The following CACNA1H variants were observed in gnomAD, a reference collection of about 807,000 sequenced individuals.
CACNA1H encodes calcium voltage-gated channel subunit alpha1 H, also known as voltage-dependent T-type calcium channel subunit alpha-1H.
A neutral mutation model predicts 192.5 loss-of-function variants in CACNA1H; 149 were observed. The ratio of observed to expected loss-of-function variants is 0.77; its 90% confidence interval spans 0.68 to 0.89. The LOEUF (loss-of-function observed/expected upper bound fraction) is 0.89, where lower values mean the gene tolerates loss of function less well. Ranked by LOEUF, CACNA1H falls within the 40% of genes least tolerant of loss-of-function variation. The pLI, the probability that CACNA1H is intolerant of heterozygous loss-of-function variation, is 0.00. For missense variants in CACNA1H, 4,257 were observed against 3,423.5 expected, an observed-to-expected ratio of 1.24 and a Z score of -6.08; for synonymous variants, 2,202 against 1,475.2, an observed-to-expected ratio of 1.49 and a Z score of -11.29.
At chr16:1,181,937 C>T (rs960609317) in intron 2 of CACNA1H, among the ~76,000 whole-genome samples, 1 of 152,094 alleles carries the variant, frequency 6.6e-6, no homozygotes, top group South Asian at 2.1e-4. Context: ...GTCCCCTTTG[C>T]ACACACGCCC....
chr16:1,200,599 C>T (rs202181749), intron 7 of CACNA1H, 28 bp downstream of exon 7: 11 of 1,609,168 alleles, frequency 6.8e-6, no homozygotes, highest in Non-Finnish European at 9.3e-6. Context: ...GGGACGGGGA[C>T]CCTGGGGCAC....
chr16:1,191,931 G>A (rs1315038351), intron 2 of CACNA1H, among the ~76,000 whole-genome samples: 6 of 152,380 alleles, frequency 3.9e-5, no homozygotes, highest in Middle Eastern at 3.4e-3. Flanking sequence ...TCTGCGAGCC[G>A]TCACCTGTGC....
intron 2 of CACNA1H, among the ~76,000 whole-genome samples, chr16:1,185,978 C>T (rs1359720094): frequency 6.7e-5 from 6 of 89,794 alleles, no homozygotes; most frequent in Non-Finnish European, 1.2e-4. Context: ...GGGCCGGAGG[C>T]GGGGTGTGTA....
At chr16:1,192,351 GC>G (rs1490445793) in intron 2 of CACNA1H, among the ~76,000 whole-genome samples, 1 of 152,246 alleles carries the variant, frequency 6.6e-6, no homozygotes, top group Non-Finnish European at 1.5e-5. Context: ...ACCCCTGCCA[GC>G]CCCTCTGCCG....
At chr16:1,156,016 G>A (rs1962321736) in intron 2 of CACNA1H, among the ~76,000 whole-genome samples, 1 of 152,140 alleles carries the variant, frequency 6.6e-6, no homozygotes, top group Non-Finnish European at 1.5e-5. Flanking sequence ...AGCCTGGGAA[G>A]AACAGAGCAT....
Position 1,168,157 on chromosome 16 carries a change from C to T in CACNA1H, c.299+14121C>T, listed in dbSNP as rs547574353. Among the ~76,000 whole-genome samples the T allele has an allele frequency of 4.7e-4, 72 of 152,086 alleles. 2 individuals carry two copies. In the South Asian group the frequency reaches 0.012, roughly 25 times the overall value. The stretch of plus-strand genomic sequence containing the variant: ...CGGGAGACCAGGGCGGCCTCTGGTG[C>T]CCCCGCCCCCTCCAGTTGGGGCGGT... On this transcript the variant is annotated intron_variant, in intron 2 of 34. Transcript: ENST00000348261.
chr16:1,200,857 G>C, intron 8 of CACNA1H, 49 bp downstream of exon 8: 20 of 1,457,040 alleles, frequency 1.4e-5, no homozygotes, highest in Non-Finnish European at 1.7e-5. Flanking sequence ...GTGTTAGCTG[G>C]CTGGGGGTGG....
At chr16:1,198,952 A>T (rs190211190) in intron 6 of CACNA1H, 178 bp downstream of exon 6, 5 of 386,196 alleles carry the variant, frequency 1.3e-5, no homozygotes, top group South Asian at 8.0e-5. Flanking sequence ...CCCACCCCCC[A>T]TCATGGCTCC....
intron 18 of CACNA1H, 113 bp downstream of exon 18, chr16:1,210,248 C>G (rs1457933689): frequency 8.1e-7 from 1 of 1,232,914 alleles, no homozygotes; most frequent in Non-Finnish European, 1.2e-6. Flanking sequence ...AGTGGGCACC[C>G]CTTCTCACAC....
Position 1,201,681 on chromosome 16 carries a change from A to G in CACNA1H, c.1231A>G (p.Ile411Val), listed in dbSNP as rs372736795. The change falls in exon 9 of 35, where the codon ATC (isoleucine) becomes GTC (valine). Residue 411 changes from isoleucine (I) to valine (V), a missense_variant. Physicochemically the swap from Ile to Val is conservative, Grantham distance 29. Transcript: ENST00000348261. ...LLIIVGSFFM[I>V]NLCLVVIATQ... ...GTCACAGGTGGGCTCCTTCTTCATG[A>G]TCAACCTGTGCCTGGTGGTGATTGC... 9 of 1,601,874 alleles carry G rather than the reference A, an allele frequency of 5.6e-6. No homozygotes were observed. The highest frequency in any genetic ancestry group is 3.3e-5 in the South Asian group (3 of 90,164).
chr16:1,209,607 C>T (rs541084208), intron 17 of CACNA1H, 195 bp downstream of exon 17: 2 of 686,658 alleles, frequency 2.9e-6, no homozygotes, highest in Admixed American at 2.9e-5. Context: ...AGAGTCCCCC[C>T]TCTGCCGTCT....
In CACNA1H at chr16:1,193,939, C is replaced by G. The variant is rs182402397; in HGVS notation, c.300-1033C>G. Among the ~76,000 whole-genome samples, 758 of 152,258 alleles carry G rather than the reference C, an allele frequency of 5.0e-3. 5 individuals are homozygous for G. The highest frequency in any genetic ancestry group is 8.4e-3 in the Non-Finnish European group (573 of 68,000). ...CTGTGATCCCTGAGAGTTTGAGACA[C>G]TCAGACCCTGACCCCAGTGCTGCAC... is the stretch of plus-strand genomic sequence containing the variant. On this transcript the variant is annotated intron_variant, in intron 2 of 34. Coordinates refer to ENST00000348261, the MANE Select transcript of CACNA1H (RefSeq NM_021098.3).
chr16:1,157,309 AAC>A (rs1365264349), intron 2 of CACNA1H: 1 of 152,226 alleles, frequency 6.6e-6, no homozygotes, highest in Non-Finnish European at 1.5e-5. Flanking sequence ...CCAGGCTCCA[AAC>A]ACCCCGTGTC....
At chr16:1,205,390 C>A in intron 11 of CACNA1H, 125 bp downstream of exon 11, 3 of 1,083,376 alleles carry the variant, frequency 2.8e-6, no homozygotes, top group Non-Finnish European at 3.9e-6. Context: ...TATGACAGGC[C>A]GTGGGAAGCA....
chr16:1,155,736 C>T (rs1962272945), intron 2 of CACNA1H, among the ~76,000 whole-genome samples: 1 of 152,150 alleles, frequency 6.6e-6, no homozygotes, highest in Non-Finnish European at 1.5e-5. Context: ...CCCCGGTGTT[C>T]TGGGCTGGCT....
chr16:1,167,659 T>C lies in CACNA1H; in HGVS notation c.299+13623T>C, dbSNP rs926237989. On this transcript the variant is annotated intron_variant, in intron 2 of 34. Coordinates refer to ENST00000348261, the MANE Select transcript of CACNA1H (RefSeq NM_021098.3). This position sits in a 1 kb window ranked among gnomAD's most constrained non-coding sequence, Gnocchi z 4.2. ...GCTCCTGGTTGACCGGCCCGGCCTG[T>C]GTTACATAAAGCGGTTTGGCCCATG... Among the ~76,000 whole-genome samples, 1 of 152,080 alleles carries C rather than the reference T, an allele frequency of 6.6e-6. No individual in the cohort carries two copies. Among genetic ancestry groups the C allele is most frequent in the African/African-American group, 2.4e-5 (1 of 41,404 alleles).
Position 1,195,100 on chromosome 16 carries a change from G to T in CACNA1H, c.411+17G>T. ...ATCCTGGAGGTGAGGGGCGTGGGTC[G>T]GGGTGGGGAAGGAGCGTGGGTCGCT... On this transcript the variant is annotated intron_variant, in intron 3 of 34. Transcript: ENST00000348261. 6.4e-7 allele frequency: 1 copy of T among 1,552,788 alleles called. No homozygotes were observed. The highest frequency in any genetic ancestry group is 8.9e-7 in the Non-Finnish European group (1 of 1,129,072).
chr16:1,189,130 A>G (rs1330906731), intron 2 of CACNA1H, among the ~76,000 whole-genome samples: 1 of 149,100 alleles, frequency 6.7e-6, no homozygotes, highest in Non-Finnish European at 1.5e-5. Flanking sequence ...TCCCGAGGGA[A>G]GTGGCGGTGT....
chr16:1,191,430 G>A (rs1966608822), intron 2 of CACNA1H, among the ~76,000 whole-genome samples: 1 of 85,194 alleles, frequency 1.2e-5, no homozygotes, highest in Non-Finnish European at 2.3e-5. Flanking sequence ...CTGGCTGTGT[G>A]GCCTCAGGCA....
Sources: gnomAD v4.1 joint callset for allele counts (sites outside exome capture counted in the v4.1 genomes callset) on GRCh38, gnomAD v4.1.1 for gene constraint, Gnocchi (gnomAD v3.1) non-coding constraint, MANE v1.5 for transcripts, NCBI Gene and HGNC (gene_info 2026-07-23, HGNC 2026-07-21) for gene names.